The following CCDC171 variants were observed in gnomAD, a reference collection of about 807,000 sequenced individuals.
CCDC171 encodes coiled-coil domain-containing protein 171.
A neutral mutation model predicts 168.2 loss-of-function variants in CCDC171; 177 were observed. That is an observed-to-expected ratio of 1.05 (90% CI 0.93 to 1.19). The LOEUF is 1.19. Ranked by LOEUF, CCDC171 falls within the 50% of genes most tolerant of loss-of-function variation. CCDC171 has a pLI of 0.00. For synonymous variants in CCDC171, 687 were observed against 540.8 expected, an observed-to-expected ratio of 1.27 and a Z score of -3.75; for missense variants, 1,991 against 1,539.0, an observed-to-expected ratio of 1.29 and a Z score of -4.91.
At chr9:15,668,921 A>G (rs2048916991) in intron 9 of CCDC171, among the ~76,000 whole-genome samples, 1 of 152,156 alleles carries the variant, frequency 6.6e-6, no homozygotes, top group African/African-American at 2.4e-5. Flanking sequence ...TAGAGAATTG[A>G]TAGATTTTAG....
At chr9:15,641,279 C>T (rs1347528829) in intron 7 of CCDC171, among the ~76,000 whole-genome samples, 1 of 152,108 alleles carries the variant, frequency 6.6e-6, no homozygotes, top group East Asian at 1.9e-4. Flanking sequence ...CTAGTATGTA[C>T]TCATGATAAT....
At chr9:15,860,595 T>G (rs963382962) in intron 23 of CCDC171, among the ~76,000 whole-genome samples, 4 of 152,016 alleles carry the variant, frequency 2.6e-5, no homozygotes, top group Non-Finnish European at 1.5e-5. Context: ...CTGGTTTCAT[T>G]TCATTATAGT....
rs1371279793 is a variant in CCDC171 at position 15,973,401 on chromosome 9, A to T, written c.*1565A>T. 6.6e-6 allele frequency: 1 copy of T among 152,108 alleles called. No homozygotes were observed. The highest frequency in any genetic ancestry group is 1.5e-5 in the Non-Finnish European group (1 of 68,010). The allele number at this position is 152,108 out of a possible 1,614,324, so 9.4% of individuals were successfully genotyped here. A position where few individuals can be genotyped will look rare whatever the true frequency, so the allele number is the denominator to read the frequency against. ...TATTGGCCTTGGTAAATAAGATTTT[A>T]TACTAACTATTTATTAGTAGCCAAA... On this transcript the variant is annotated 3_prime_UTR_variant, in exon 26 of 26. Coordinates refer to ENST00000380701, the MANE Select transcript of CCDC171 (RefSeq NM_173550.4).
chr9:15,652,369 C>A (rs2047591143), intron 7 of CCDC171, among the ~76,000 whole-genome samples: 1 of 151,944 alleles, frequency 6.6e-6, no homozygotes, highest in African/African-American at 2.4e-5. Context: ...TATTTCTGGA[C>A]TGTCAGTTCC....
intron 1 of CCDC171, among the ~76,000 whole-genome samples, chr9:16,053,357 G>A (rs765897811): frequency 6.6e-5 from 10 of 152,300 alleles, no homozygotes; most frequent in Non-Finnish European, 1.0e-4. Flanking sequence ...TGGCAGCCTC[G>A]CCTGAGTTTT....
At chr9:15,698,070 A>ACCCT (rs372535743) in intron 11 of CCDC171, among the ~76,000 whole-genome samples, 2 of 151,692 alleles carry the variant, frequency 1.3e-5, no homozygotes, top group African/African-American at 4.8e-5. Context: ...TGTAGAGTTC[A>ACCCT]ATACTGTGCT....
At chr9:15,952,243 C>G (rs1363053636) in intron 25 of CCDC171, among the ~76,000 whole-genome samples, 1 of 152,170 alleles carries the variant, frequency 6.6e-6, no homozygotes, top group African/African-American at 2.4e-5. Flanking sequence ...GTCTCTATAT[C>G]TGTCTTTATG....
At chr9:15,873,729 A>G (rs1021766987) in intron 23 of CCDC171, among the ~76,000 whole-genome samples, 2 of 152,078 alleles carry the variant, frequency 1.3e-5, no homozygotes, top group Non-Finnish European at 2.9e-5. Flanking sequence ...GTTTCCATTT[A>G]TATTATATAA....
chr9:15,616,484 G>A (rs938491885), intron 6 of CCDC171, among the ~76,000 whole-genome samples: 20 of 151,552 alleles, frequency 1.3e-4, no homozygotes, highest in East Asian at 5.8e-4. Context: ...AAATAGTTTC[G>A]ATCAACTAGG....
intron 1 of CCDC171, among the ~76,000 whole-genome samples, chr9:15,557,480 G>A (rs188095396): frequency 7.2e-4 from 109 of 152,168 alleles, no homozygotes; most frequent in African/African-American, 2.5e-3. Flanking sequence ...TGGATTCCTA[G>A]GTATTTTACT....
At chr9:15,938,358 C>T (rs181361191) in intron 25 of CCDC171, among the ~76,000 whole-genome samples, 9 of 151,872 alleles carry the variant, frequency 5.9e-5, no homozygotes, top group Admixed American at 2.0e-4. Context: ...TGGAGTGTGC[C>T]TTACTCTGTG....
chr9:16,002,363 C>A lies in CCDC171; in HGVS notation n.369-18226C>A, dbSNP rs1024270857. Among the ~76,000 whole-genome samples the A allele has an allele frequency of 2.0e-5, 3 of 151,818 alleles. No individual in the cohort carries two copies. In the East Asian group the frequency reaches 5.8e-4, roughly 29 times the overall value. Reference sequence around the variant, plus strand: ...GATCTTCACCCTGTGTGGGCCTAGACTAATGTGTGTGTTTGTGTCTTTGTT... The same window carrying A: ...GATCTTCACCCTGTGTGGGCCTAGAATAATGTGTGTGTTTGTGTCTTTGTT... On this transcript the variant is annotated intron_variant and non_coding_transcript_variant, in intron 3 of 9. Transcript: ENST00000486641.
chr9:15,744,371 G>C lies in CCDC171; in HGVS notation c.2148G>C (p.Leu716=), dbSNP rs2055110370. The change falls in exon 17 of 26, where the codon CTG becomes CTC. Residue 716 remains leucine (L), a synonymous_variant. Transcript: ENST00000380701. ...TTGAAAATTCGCACTTCAAAAAACT[G>C]TTATCACAGACTCAAAGGGAACAGA... The part of the protein sequence containing the change: ...LVLENSHFKK[L]LSQTQREQMS... The C allele has an allele frequency of 6.2e-7, 1 of 1,614,014 alleles. No homozygotes were observed. The highest frequency in any genetic ancestry group is 1.7e-5 in the Admixed American group (1 of 59,992).
At chr9:15,578,512 C>A (rs2040855897) in intron 3 of CCDC171, among the ~76,000 whole-genome samples, 1 of 150,572 alleles carries the variant, frequency 6.6e-6, no homozygotes, top group East Asian at 1.9e-4. Context: ...TTAAGTGATC[C>A]TCCTGCCTTG....
chr9:15,629,598 ACT>A (rs1280034942), intron 7 of CCDC171, among the ~76,000 whole-genome samples: 1 of 152,208 alleles, frequency 6.6e-6, no homozygotes, highest in Admixed American at 6.5e-5. Context: ...GTTGGAAAAC[ACT>A]CTGCAGGATA....
chr9:15,944,836 T>TCTTCTTTCTTTCTTTCTTTC (rs57665767), intron 25 of CCDC171, among the ~76,000 whole-genome samples: 1 of 129,852 alleles, frequency 7.7e-6, no homozygotes, highest in Non-Finnish European at 1.6e-5. Flanking sequence ...TTTCTTTCTT[T>TCTTCTTTCTTTCTTTCTTTC]TTTCTTTCTT....
intron 21 of CCDC171, among the ~76,000 whole-genome samples, chr9:15,806,545 A>C (rs960136727): frequency 1.3e-5 from 2 of 152,178 alleles, no homozygotes; most frequent in Non-Finnish European, 2.9e-5. Context: ...TTTCTTTAAG[A>C]ATGTTGAATA....
At chr9:15,733,014 T>C (rs2054249240) in intron 16 of CCDC171, among the ~76,000 whole-genome samples, 1 of 152,136 alleles carries the variant, frequency 6.6e-6, no homozygotes, top group South Asian at 2.1e-4. Context: ...TTATAATAGG[T>C]GTGTAATGCC....
At chr9:15,734,968 CA>C (rs2054393949) in intron 16 of CCDC171, among the ~76,000 whole-genome samples, 1 of 151,922 alleles carries the variant, frequency 6.6e-6, no homozygotes, top group African/African-American at 2.4e-5. Flanking sequence ...AATATTTGGC[CA>C]TTGTAAAGAA....
Sources: gnomAD v4.1 joint callset for allele counts (sites outside exome capture counted in the v4.1 genomes callset) on GRCh38, gnomAD v4.1.1 for gene constraint, MANE v1.5 for transcripts, NCBI Gene and HGNC (gene_info 2026-07-23, HGNC 2026-07-21) for gene names.